GSAP: variants seen among roughly 807,000 people sequenced by gnomAD.
The protein encoded by GSAP is gamma-secretase activating protein.
In GSAP, 118 loss-of-function variants were observed where a neutral mutation model predicts 131.7. The observed-to-expected ratio is 0.90, with a 90% CI of 0.77 to 1.04. The LOEUF (loss-of-function observed/expected upper bound fraction) is 1.04, where lower values mean the gene tolerates loss of function less well. Among genes scored for constraint, GSAP ranks in the 50% least tolerant of loss-of-function variants. GSAP has a pLI of 0.00. For synonymous variants in GSAP, 381 were observed against 363.4 expected, an observed-to-expected ratio of 1.05 and a Z score of -0.55; for missense variants, 1,019 against 1,013.2, an observed-to-expected ratio of 1.01 and a Z score of -0.08.
intron 1 of GSAP, among the ~76,000 whole-genome samples, chr7:77,411,669 T>C (rs1378054210): frequency 6.6e-6 from 1 of 152,178 alleles, no homozygotes; most frequent in Non-Finnish European, 1.5e-5. Context: ...AGATCCAATA[T>C]TGTAAAGATG....
intron 21 of GSAP, 127 bp from the exon 22 acceptor site, chr7:77,328,764 T>C (rs1788674256): frequency 4.7e-6 from 3 of 640,874 alleles, no homozygotes; most frequent in Admixed American, 5.6e-5. Flanking sequence ...CTCAAGCTGC[T>C]GAAAACCTCA....
intron 18 of GSAP, 69 bp downstream of exon 18, chr7:77,352,875 G>A (rs1039650622): frequency 2.3e-6 from 2 of 860,636 alleles, no homozygotes; most frequent in South Asian, 1.4e-5. Flanking sequence ...TATAAGAGAG[G>A]TGTCCAACAA....
At chr7:77,326,614 A>C in intron 22 of GSAP, 2 of 178,754 alleles carry the variant, frequency 1.1e-5, no homozygotes, top group East Asian at 1.5e-4. Flanking sequence ...GGGGTCATAA[A>C]TTGAGGGAAC....
chr7:77,355,866 T>C (rs989477034), intron 14 of GSAP, among the ~76,000 whole-genome samples: 1 of 148,512 alleles, frequency 6.7e-6, no homozygotes, highest in South Asian at 2.2e-4. Context: ...GTCGGCCCAC[T>C]GCAGCCTCAA....
At chr7:77,404,132 C>A (rs1437124412) in intron 3 of GSAP, among the ~76,000 whole-genome samples, 2 of 152,198 alleles carry the variant, frequency 1.3e-5, no homozygotes, top group African/African-American at 4.8e-5. Flanking sequence ...ACACAGGGCA[C>A]AAGGGCCTGC....
chr7:77,406,721 C>T (rs1227243909), intron 1 of GSAP, among the ~76,000 whole-genome samples: 2 of 152,220 alleles, frequency 1.3e-5, no homozygotes, highest in Non-Finnish European at 2.9e-5. Flanking sequence ...AGCCAAGGGT[C>T]AGGTGAATCA....
chr7:77,415,169 G>A (rs980115738), intron 1 of GSAP, among the ~76,000 whole-genome samples: 5 of 152,100 alleles, frequency 3.3e-5, no homozygotes, highest in Non-Finnish European at 7.4e-5. Flanking sequence ...TCCAAGCCAA[G>A]GAAACCTACA....
intron 3 of GSAP, among the ~76,000 whole-genome samples, chr7:77,402,381 TAAAAAAA>T (rs1180045969): frequency 2.2e-5 from 2 of 92,038 alleles, no homozygotes; most frequent in African/African-American, 8.5e-5. Flanking sequence ...CCATCTCTAC[TAAAAAAA>T]AAAAAAGAAA....
intron 23 of GSAP, 105 bp from the exon 24 acceptor site, chr7:77,323,847 A>G: frequency 1.8e-6 from 1 of 542,438 alleles, no homozygotes; most frequent in Non-Finnish European, 3.3e-6. Flanking sequence ...TATAAAAAAT[A>G]CTGGATCTGA....
chr7:77,336,479 C>T (rs1789990390), intron 19 of GSAP, among the ~76,000 whole-genome samples: 1 of 147,954 alleles, frequency 6.8e-6, no homozygotes, highest in African/African-American at 2.5e-5. Flanking sequence ...TAGCCTCAAG[C>T]TCTTTTTTTT....
intron 8 of GSAP, among the ~76,000 whole-genome samples, chr7:77,381,082 A>G (rs1412383796): frequency 6.6e-6 from 1 of 152,204 alleles, no homozygotes; most frequent in Non-Finnish European, 1.5e-5. Flanking sequence ...GTTATTAGCT[A>G]CCTCAGGATA....
chr7:77,355,564 A>C lies in GSAP; in HGVS notation c.1111T>G (p.Phe371Val). 1 of 1,608,244 alleles carries C rather than the reference A, an allele frequency of 6.2e-7. No individual in the cohort carries two copies. Among genetic ancestry groups the C allele is most frequent in the Non-Finnish European group, 8.5e-7 (1 of 1,174,786 alleles). Residue 371 changes from phenylalanine (F) to valine (V), a missense_variant, in exon 15 of 31, where the codon TTT (phenylalanine) becomes GTT (valine). Transcript: ENST00000257626. Reference sequence around the variant, plus strand: ...AAAACTATAGCCGTACCTGTCAGAAAGAGATTGTGGCAGATCAGGTCTGGA... The same window carrying C: ...AAAACTATAGCCGTACCTGTCAGAACGAGATTGTGGCAGATCAGGTCTGGA... The part of the protein sequence containing the change: ...QHPDLICHNL[F>V]LTGNNEMIDM...
At chr7:77,381,020 C>G (rs1376585589) in intron 8 of GSAP, among the ~76,000 whole-genome samples, 1 of 152,160 alleles carries the variant, frequency 6.6e-6, no homozygotes, top group Admixed American at 6.5e-5. Context: ...TGCATCTAAC[C>G]TTGCATAGGT....
chr7:77,355,737 C>A, intron 14 of GSAP, 90 bp from the exon 15 acceptor site: 1 of 725,452 alleles, frequency 1.4e-6, no homozygotes, highest in Non-Finnish European at 2.4e-6. Flanking sequence ...CTCTGAATAT[C>A]TCAAAAGGCA....
chr7:77,415,512 C>T (rs1164880207), intron 1 of GSAP: 1 of 152,306 alleles, frequency 6.6e-6, no homozygotes, highest in Admixed American at 6.5e-5. Flanking sequence ...CTTACCAAAT[C>T]ATCAAAAAGC....
At chr7:77,316,956 T>G (rs924818470) in intron 26 of GSAP, among the ~76,000 whole-genome samples, 4 of 152,152 alleles carry the variant, frequency 2.6e-5, no homozygotes, top group African/African-American at 9.7e-5. Context: ...CTTCTTAACT[T>G]TAACCAATTC....
At chr7:77,372,653 AT>A (rs1267960260) in intron 12 of GSAP, among the ~76,000 whole-genome samples, 7 of 152,374 alleles carry the variant, frequency 4.6e-5, no homozygotes, top group Admixed American at 2.0e-4. Context: ...AAATGATATG[AT>A]TGTATAAGTA....
chr7:77,357,038 G>A (rs192750582), intron 14 of GSAP, among the ~76,000 whole-genome samples: 19 of 152,302 alleles, frequency 1.2e-4, no homozygotes, highest in African/African-American at 1.4e-4. Flanking sequence ...AAAGGGTATC[G>A]GCATCAAATG....
Position 77,317,088 on chromosome 7 carries a change from G to GCA in GSAP, c.2090-2601_2090-2600dup, listed in dbSNP as rs558538518. Among the ~76,000 whole-genome samples, 799 of 151,960 alleles carry GCA rather than the reference G, an allele frequency of 5.3e-3. 1 individual carries two copies. Among genetic ancestry groups the GCA allele is most frequent in the African/African-American group, 0.012 (493 of 41,458 alleles). On this transcript the variant is annotated intron_variant, in intron 26 of 30. Transcript: ENST00000257626. ...CCTGAATTCATACAAGCATGCACAT[G>GCA]CACACACACACATGATCCAGTGTCA...
Sources: gnomAD v4.1 joint callset for allele counts (sites outside exome capture counted in the v4.1 genomes callset) on GRCh38, gnomAD v4.1.1 for gene constraint, MANE v1.5 for transcripts, NCBI Gene and HGNC (gene_info 2026-07-23, HGNC 2026-07-21) for gene names.